ACTL8: variants seen among roughly 807,000 people sequenced by gnomAD.
ACTL8 encodes actin-like protein 8.
ACTL8 carries 3 observed loss-of-function variants against 9.3 expected under a neutral mutation model. That is an observed-to-expected ratio of 0.32 (90% CI 0.15 to 0.83). The LOEUF is 0.83. Among genes scored for constraint, ACTL8 ranks in the 40% least tolerant of loss-of-function variants. The pLI is 0.57. For synonymous variants in ACTL8, 224 were observed against 205.9 expected, an observed-to-expected ratio of 1.09 and a Z score of -0.75; for missense variants, 381 against 492.2, an observed-to-expected ratio of 0.77 and a Z score of 2.14.
intron 1 of ACTL8, among the ~76,000 whole-genome samples, chr1:17,802,878 G>A (rs1241117886): frequency 1.3e-5 from 2 of 152,100 alleles, no homozygotes; most frequent in African/African-American, 2.4e-5. Flanking sequence ...CCAGCTACTC[G>A]GGAGGCTGAG....
At chr1:17,764,462 T>C (rs1351722561) in intron 1 of ACTL8, among the ~76,000 whole-genome samples, 1 of 152,152 alleles carries the variant, frequency 6.6e-6, no homozygotes, top group Non-Finnish European at 1.5e-5. Context: ...TTCTTATTGC[T>C]CTGTTAGGCA....
intron 1 of ACTL8, among the ~76,000 whole-genome samples, chr1:17,812,303 G>A (rs938688204): frequency 1.2e-4 from 19 of 152,180 alleles, no homozygotes; most frequent in African/African-American, 3.6e-4. Context: ...GATATCTAAC[G>A]GTAATCCTGC....
At chr1:17,803,362 A>G (rs1261269710) in intron 1 of ACTL8, among the ~76,000 whole-genome samples, 1 of 152,144 alleles carries the variant, frequency 6.6e-6, no homozygotes, top group Non-Finnish European at 1.5e-5. Flanking sequence ...AGTCTTGGGT[A>G]TGTTGCCCAG....
intron 1 of ACTL8, among the ~76,000 whole-genome samples, chr1:17,772,111 C>G (rs1281226921): frequency 2.0e-5 from 3 of 152,164 alleles, no homozygotes; most frequent in Admixed American, 6.5e-5. Flanking sequence ...AGGCTGAGCT[C>G]TGCTGGGTGT....
intron 1 of ACTL8, among the ~76,000 whole-genome samples, chr1:17,764,174 G>A (rs2066027889): frequency 6.6e-6 from 1 of 152,120 alleles, no homozygotes; most frequent in African/African-American, 2.4e-5. Context: ...TCCAGTTCCC[G>A]GCTGACAGTG....
chr1:17,774,103 TCA>T (rs1357052672), intron 1 of ACTL8, among the ~76,000 whole-genome samples: 1 of 152,154 alleles, frequency 6.6e-6, no homozygotes, highest in African/African-American at 2.4e-5. Context: ...ACCTTCTGTC[TCA>T]CACTTGAGGA....
intron 1 of ACTL8, among the ~76,000 whole-genome samples, chr1:17,790,887 G>A (rs78231034): frequency 0.04 from 6,034 of 152,342 alleles, 407 homozygotes; most frequent in African/African-American, 0.14. Context: ...TGGTGTGTCA[G>A]CACTTTCCTG....
At chr1:17,766,272 C>T (rs1400525611) in intron 1 of ACTL8, among the ~76,000 whole-genome samples, 1 of 152,166 alleles carries the variant, frequency 6.6e-6, no homozygotes, top group Non-Finnish European at 1.5e-5. Context: ...TGTTCACATC[C>T]CTGATCCAAT....
rs1263518969 is a variant in ACTL8, at chr1:17,767,828, A to G, written c.-25+12324A>G. ...TCAGTCTGATGCCGTGACTGCTGAC[A>G]CGGGAGGAATGACACTGCGTTACTC... On this transcript the variant is annotated intron_variant, in intron 1 of 2. Transcript: ENST00000375406. This position sits in a 1 kb window ranked among gnomAD's most constrained non-coding sequence, Gnocchi z 4.7. Among the ~76,000 whole-genome samples the G allele has an allele frequency of 1.3e-5, 2 of 152,028 alleles. No homozygotes were observed. Among genetic ancestry groups the G allele is most frequent in the African/African-American group, 4.8e-5 (2 of 41,376 alleles).
At chr1:17,810,596 GCAGGCATGTAACCACTC>G (rs1278479545) in intron 1 of ACTL8, among the ~76,000 whole-genome samples, 16 of 152,086 alleles carry the variant, frequency 1.1e-4, no homozygotes, top group Non-Finnish European at 1.2e-4. Context: ...ATAAATGCAT[GCAGGCATGTAACCACTC>G]TGGCAATCAA....
intron 1 of ACTL8, among the ~76,000 whole-genome samples, chr1:17,777,987 C>G (rs906938973): frequency 6.6e-6 from 1 of 152,200 alleles, no homozygotes; most frequent in African/African-American, 2.4e-5. Flanking sequence ...CGTGAGCCAC[C>G]GTTCCTAGCC....
chr1:17,780,579 G>A (rs2066147300), intron 1 of ACTL8, among the ~76,000 whole-genome samples: 2 of 152,286 alleles, frequency 1.3e-5, no homozygotes, highest in African/African-American at 4.8e-5. Context: ...CAGACTGGGG[G>A]TGTGTTCGAA....
Position 17,777,467 on chromosome 1 carries a change from G to T in ACTL8, c.-25+21963G>T, listed in dbSNP as rs531583939. Among the ~76,000 whole-genome samples, 5 of 152,236 alleles carry T rather than the reference G, an allele frequency of 3.3e-5. No homozygotes were observed. In the South Asian group the frequency reaches 1.0e-3, roughly 32 times the overall value. On this transcript the variant is annotated intron_variant, in intron 1 of 2. Coordinates refer to ENST00000375406, the MANE Select transcript of ACTL8 (RefSeq NM_030812.3). ...ATTCCACCAGATAAACACGTGCCTG[G>T]TGGTGGAAGGTGTCTGAGATCCTTG...
At chr1:17,791,022 T>C (rs1238703617) in intron 1 of ACTL8, among the ~76,000 whole-genome samples, 1 of 149,976 alleles carries the variant, frequency 6.7e-6, no homozygotes, top group Non-Finnish European at 1.5e-5. Context: ...TCTGAGCCTA[T>C]GAGGGTTGGG....
chr1:17,819,238 G>A (rs748069588), intron 1 of ACTL8, among the ~76,000 whole-genome samples: 1 of 152,246 alleles, frequency 6.6e-6, no homozygotes, highest in Non-Finnish European at 1.5e-5. Context: ...GCAGGGCAGA[G>A]CCCGCTTCCC....
chr1:17,772,689 G>A (rs1161520899), intron 1 of ACTL8, among the ~76,000 whole-genome samples: 3 of 152,198 alleles, frequency 2.0e-5, no homozygotes, highest in African/African-American at 7.2e-5. Flanking sequence ...GTGATGTTTA[G>A]CAGGAATTGG....
At chr1:17,795,939 A>C (rs997256036) in intron 1 of ACTL8, among the ~76,000 whole-genome samples, 1 of 152,202 alleles carries the variant, frequency 6.6e-6, no homozygotes, top group Admixed American at 6.5e-5. Context: ...AGCATTGCTC[A>C]GCATCTCATT....
chr1:17,810,702 T>C (rs1417427987), intron 1 of ACTL8, among the ~76,000 whole-genome samples: 3 of 152,232 alleles, frequency 2.0e-5, no homozygotes, highest in African/African-American at 4.8e-5. Context: ...CAGAAACGAC[T>C]GATCTGTTTT....
At chr1:17,809,067 C>T (rs2066377240) in intron 1 of ACTL8, among the ~76,000 whole-genome samples, 1 of 152,084 alleles carries the variant, frequency 6.6e-6, no homozygotes, top group African/African-American at 2.4e-5. Flanking sequence ...TATCATGCCG[C>T]CAGCAAACCA....
Sources: gnomAD v4.1 joint callset for allele counts (sites outside exome capture counted in the v4.1 genomes callset) on GRCh38, gnomAD v4.1.1 for gene constraint, Gnocchi (gnomAD v3.1) non-coding constraint, MANE v1.5 for transcripts, NCBI Gene and HGNC (gene_info 2026-07-23, HGNC 2026-07-21) for gene names.